LMNB1: variants seen among roughly 807,000 people sequenced by gnomAD.
LMNB1 encodes the protein lamin B1.
A neutral mutation model predicts 67.1 loss-of-function variants in LMNB1; 23 were observed. The ratio of observed to expected loss-of-function variants is 0.34; its 90% confidence interval spans 0.25 to 0.49. LMNB1 has a LOEUF of 0.49. LMNB1 is among the 20% of genes least tolerant of loss of function. The pLI is 0.99. For synonymous variants in LMNB1, 281 were observed against 282.9 expected (o/e 0.99, Z 0.07); for missense variants, 634 against 746.5 (o/e 0.85, Z 1.76).
chr5:126,779,463 A>G (rs1367457780), intron 1 of LMNB1, among the ~76,000 whole-genome samples: 1 of 152,192 alleles, frequency 6.6e-6, no homozygotes, highest in Non-Finnish European at 1.5e-5. Flanking sequence ...ATTTTTTGCC[A>G]CTGAATTCCT....
intron 1 of LMNB1, among the ~76,000 whole-genome samples, chr5:126,799,450 C>G (rs1427533035): frequency 1.3e-5 from 2 of 152,210 alleles, no homozygotes; most frequent in African/African-American, 4.8e-5. Flanking sequence ...GCCCTGAGCT[C>G]CCAGTGCAGG....
At position 126,785,160 on chromosome 5, in the gene LMNB1, T is replaced by A. The variant is rs1176266625; in HGVS notation, c.359+7293T>A. On this transcript the variant is annotated intron_variant, in intron 1 of 10. Coordinates refer to ENST00000261366, the MANE Select transcript of LMNB1 (RefSeq NM_005573.4). ...ATGCCCGGCTAATTTTTTTTTTTTT[T>A]AATTTCTAGTAGAAACGGGGTTTCA... Among the ~76,000 whole-genome samples, 2 of 146,640 alleles carry A rather than the reference T, an allele frequency of 1.4e-5. 1 individual carries two copies. The highest frequency in any genetic ancestry group is 1.4e-4 in the Admixed American group (2 of 14,574).
At position 126,816,908 on chromosome 5, in the gene LMNB1, C is replaced by T. The variant is rs546688557; in HGVS notation, c.940-2014C>T. On this transcript the variant is annotated intron_variant, in intron 5 of 10. Coordinates refer to ENST00000261366, the MANE Select transcript of LMNB1 (RefSeq NM_005573.4). Reference sequence around the variant, plus strand: ...TGTCAGGTTTCTCCACTGTCAACAGCGCTACTATTTTTCCGTTCCCATACA... The same window carrying T: ...TGTCAGGTTTCTCCACTGTCAACAGTGCTACTATTTTTCCGTTCCCATACA... 1.3e-4 allele frequency among the ~76,000 whole-genome samples: 20 copies of T among 152,280 alleles called. No individual in the cohort carries two copies. The South Asian group carries it at 3.7e-3, about 28-fold the overall frequency.
rs955383959 is a variant in LMNB1, at chr5:126,820,977, C to T, written c.1228C>T (p.Arg410Cys). The T allele has an allele frequency of 2.5e-6, 4 of 1,613,974 alleles. No homozygotes were observed. Among genetic ancestry groups the T allele is most frequent in the South Asian group, 1.1e-5 (1 of 91,072 alleles). The change falls in exon 7 of 11, where the codon CGT becomes TGT. Residue 410 changes from arginine (R) to cysteine (C), a missense_variant. Physicochemically the swap from Arg to Cys is radical, Grantham distance 180. Transcript: ENST00000261366. ...VSRASSSRSV[R>C]TTRGKRKRVD... ...CCGAGCATCCTCAAGTCGTAGTGTA[C>T]GTACAACTAGAGGAAAGCGGAAGAG...
intron 1 of LMNB1, among the ~76,000 whole-genome samples, chr5:126,790,675 C>T (rs1750930823): frequency 6.6e-6 from 1 of 151,698 alleles, no homozygotes; most frequent in African/African-American, 2.4e-5. Context: ...TAAAGAATTA[C>T]CTTTGGGTAC....
At chr5:126,802,813 C>T (rs1751318625) in intron 1 of LMNB1, among the ~76,000 whole-genome samples, 1 of 152,076 alleles carries the variant, frequency 6.6e-6, no homozygotes, top group Non-Finnish European at 1.5e-5. Flanking sequence ...AAATACTGAC[C>T]TTTAAAATAT....
At chr5:126,803,786 A>G (rs1751347377) in intron 1 of LMNB1, among the ~76,000 whole-genome samples, 2 of 143,086 alleles carry the variant, frequency 1.4e-5, no homozygotes, top group African/African-American at 5.2e-5. Flanking sequence ...CCTGACCTCA[A>G]GTGATCCGCC....
chr5:126,777,046 T>A (rs891826191), upstream of LMNB1: 4 of 155,138 alleles, frequency 2.6e-5, no homozygotes, highest in African/African-American at 4.8e-5. Flanking sequence ...CCGGCCATGT[T>A]GGGGAGTGCG....
intron 10 of LMNB1, among the ~76,000 whole-genome samples, chr5:126,833,634 C>T (rs1335737915): frequency 6.6e-6 from 1 of 152,222 alleles, no homozygotes; most frequent in Non-Finnish European, 1.5e-5. Flanking sequence ...ACATATGTTA[C>T]ACTTAACTTA....
intron 5 of LMNB1, among the ~76,000 whole-genome samples, chr5:126,815,749 C>G (rs972584337): frequency 6.6e-6 from 1 of 152,158 alleles, no homozygotes; most frequent in Non-Finnish European, 1.5e-5. Flanking sequence ...AAAGGAGAAT[C>G]TAGGTCTAAC....
At chr5:126,798,217 C>G (rs1460238414) in intron 1 of LMNB1, among the ~76,000 whole-genome samples, 1 of 151,912 alleles carries the variant, frequency 6.6e-6, no homozygotes. Context: ...CTTTGGGAGG[C>G]CAAGGCGGTT....
chr5:126,816,757 G>T (rs1751717865), intron 5 of LMNB1, among the ~76,000 whole-genome samples: 1 of 152,250 alleles, frequency 6.6e-6, no homozygotes, highest in Non-Finnish European at 1.5e-5. Flanking sequence ...GATTTGTCCG[G>T]TGCTTTTCAC....
At chr5:126,783,153 T>A (rs1750672603) in intron 1 of LMNB1, among the ~76,000 whole-genome samples, 1 of 151,926 alleles carries the variant, frequency 6.6e-6, no homozygotes, top group Non-Finnish European at 1.5e-5. Context: ...TGAGCCAAGA[T>A]CGTACCACTG....
chr5:126,835,267 G>T (rs971745382), intron 10 of LMNB1, among the ~76,000 whole-genome samples: 1 of 152,204 alleles, frequency 6.6e-6, no homozygotes, highest in African/African-American at 2.4e-5. Context: ...CAGAACAGGC[G>T]TTTGAACTTC....
intron 1 of LMNB1, among the ~76,000 whole-genome samples, chr5:126,800,982 A>ATATATATATATTTTTTTTTTT: frequency 5.4e-5 from 1 of 18,632 alleles, no homozygotes; most frequent in African/African-American, 1.7e-4. Flanking sequence ...TATATATATA[A>ATATATATATATTTTTTTTTTT]TTTTTTTTTT....
At chr5:126,785,547 C>A (rs1292124162) in intron 1 of LMNB1, among the ~76,000 whole-genome samples, 1 of 144,772 alleles carries the variant, frequency 6.9e-6, no homozygotes, top group African/African-American at 2.6e-5. Flanking sequence ...TCTTGAACTC[C>A]TGAGCTCAGG....
At chr5:126,789,054 A>G (rs1441479300) in intron 1 of LMNB1, among the ~76,000 whole-genome samples, 1 of 151,674 alleles carries the variant, frequency 6.6e-6, no homozygotes, top group Non-Finnish European at 1.5e-5. Context: ...CACCACCACG[A>G]CTGGCTAATT....
intron 10 of LMNB1, among the ~76,000 whole-genome samples, chr5:126,833,189 G>A (rs1410742437): frequency 6.6e-6 from 1 of 152,140 alleles, no homozygotes; most frequent in East Asian, 1.9e-4. Flanking sequence ...AAAAAACAAA[G>A]TAATATTCAA....
rs547100162 is a variant in LMNB1, at chr5:126,797,080, C to T, written c.360-7696C>T. Among the ~76,000 whole-genome samples, 5 of 152,326 alleles carry T rather than the reference C, an allele frequency of 3.3e-5. No individual in the cohort carries two copies. In the South Asian group the frequency reaches 1.0e-3, roughly 32 times the overall value. On this transcript the variant is annotated intron_variant, in intron 1 of 10. Transcript: ENST00000261366. ...CTGGGATTACAAGAGTGAGCCACTG[C>T]ACCCAGCCTGGCTAATTTTCTTTTT...
Sources: gnomAD v4.1 joint callset for allele counts (sites outside exome capture counted in the v4.1 genomes callset) on GRCh38, gnomAD v4.1.1 for gene constraint, MANE v1.5 for transcripts, NCBI Gene and HGNC (gene_info 2026-07-23, HGNC 2026-07-21) for gene names.